CELF2: variants seen among roughly 807,000 people sequenced by gnomAD.
CELF2 encodes CUGBP Elav-like family member 2.
A neutral mutation model predicts 62.6 loss-of-function variants in CELF2; 8 were observed. The observed-to-expected ratio is 0.13, with a 90% CI of 0.07 to 0.23. CELF2 has a LOEUF of 0.23. Ranked by LOEUF, CELF2 falls within the 10% of genes least tolerant of loss-of-function variation. The pLI, the probability that CELF2 is intolerant of heterozygous loss-of-function variation, is 1.00. For missense variants in CELF2, 333 were observed against 671.0 expected (o/e 0.50, Z 5.56); for synonymous variants, 258 against 250.0 (o/e 1.03, Z -0.30).
chr10:10,756,291 T>C, the CELF2 span, among the ~76,000 whole-genome samples: 2 of 152,230 alleles, frequency 1.3e-5, no homozygotes, highest in Admixed American at 1.3e-4. Flanking sequence ...TGTATTTAAA[T>C]GTGTTTAAGA....
At chr10:10,704,919 T>C in the CELF2 span, among the ~76,000 whole-genome samples, 1 of 149,988 alleles carries the variant, frequency 6.7e-6, no homozygotes, top group Non-Finnish European at 1.5e-5. Flanking sequence ...CTGGGCATGG[T>C]GGCTCATGCC....
the CELF2 span, among the ~76,000 whole-genome samples, chr10:10,788,050 C>T: frequency 6.6e-6 from 1 of 152,054 alleles, no homozygotes; most frequent in African/African-American, 2.4e-5. Flanking sequence ...TACTTGAGGA[C>T]ATTAGATATG....
At chr10:11,063,366 A>G (rs925350512) in intron 1 of CELF2, among the ~76,000 whole-genome samples, 8 of 152,236 alleles carry the variant, frequency 5.3e-5, no homozygotes, top group Non-Finnish European at 1.2e-4. Context: ...TCAGGCGACT[A>G]CTACCAAACA....
At chr10:11,133,721 C>G (rs753338195) in intron 1 of CELF2, among the ~76,000 whole-genome samples, 2 of 152,216 alleles carry the variant, frequency 1.3e-5, no homozygotes, top group Non-Finnish European at 2.9e-5. Context: ...ATTCCTGTGG[C>G]GGCCCTTCCC....
At chr10:11,234,909 C>G (rs1218631358) in intron 3 of CELF2, among the ~76,000 whole-genome samples, 1 of 152,074 alleles carries the variant, frequency 6.6e-6, no homozygotes, top group African/African-American at 2.4e-5. Context: ...TTGACAATCC[C>G]TACGTCACTT....
intron 1 of CELF2, among the ~76,000 whole-genome samples, chr10:10,900,719 T>A (rs921028065): frequency 3.3e-5 from 5 of 152,128 alleles, no homozygotes; most frequent in African/African-American, 1.2e-4. Flanking sequence ...GCCAGCGCGG[T>A]CAGAAAGAAT....
chr10:11,215,387 C>T (rs1276652714), intron 2 of CELF2, among the ~76,000 whole-genome samples: 1 of 152,174 alleles, frequency 6.6e-6, no homozygotes, highest in Admixed American at 6.5e-5. Context: ...TTTCATTTTC[C>T]CTGTCATACC....
At chr10:10,643,809 G>C in the CELF2 span, among the ~76,000 whole-genome samples, 1 of 152,150 alleles carries the variant, frequency 6.6e-6, no homozygotes, top group East Asian at 1.9e-4. Flanking sequence ...CGTAGGCTCT[G>C]AAAATTTTAA....
the CELF2 span, among the ~76,000 whole-genome samples, chr10:10,691,162 CCA>C: frequency 3.8e-4 from 57 of 151,516 alleles, no homozygotes; most frequent in African/African-American, 1.3e-3. Flanking sequence ...CCCTCTCCCC[CCA>C]CCCCACAACA....
Position 11,257,819 on chromosome 10 carries a change from T to C in CELF2, c.485T>C (p.Phe162Ser), listed in dbSNP as rs935411445. ...GACATCAGGGTGATGTTCTCTCCAT[T>C]TGGCCAGATAGAAGAATGCCGGATC... ...ENDIRVMFSP[F>S]GQIEECRILR... is the part of the protein sequence containing the mutation. Residue 162 changes from phenylalanine (F) to serine (S), a missense_variant, in exon 5 of 13, where the codon TTT becomes TCT. Coordinates refer to ENST00000633077, the MANE Select transcript of CELF2 (RefSeq NM_001326342.2). 2 of 1,614,198 alleles carry C rather than the reference T, an allele frequency of 1.2e-6. No individual in the cohort carries two copies. Among genetic ancestry groups the C allele is most frequent in the Non-Finnish European group, 1.7e-6 (2 of 1,180,026 alleles).
chr10:10,889,853 A>T (rs2062009325), intron 1 of CELF2, among the ~76,000 whole-genome samples: 1 of 152,206 alleles, frequency 6.6e-6, no homozygotes. Context: ...AAGAAAAGTC[A>T]ATAGCCCATC....
the CELF2 span, among the ~76,000 whole-genome samples, chr10:10,502,336 T>C: frequency 2.0e-5 from 3 of 152,032 alleles, no homozygotes; most frequent in South Asian, 6.2e-4. Context: ...GAATTGGTGT[T>C]AGTTCTGTAT....
chr10:11,270,705 CAGA>C lies in CELF2; in HGVS notation c.661_663del (p.Lys221del). The C allele has an allele frequency of 6.4e-7, 1 of 1,554,472 alleles. No individual in the cohort carries two copies. On this transcript the variant is annotated inframe_deletion, in exon 7 of 13. Transcript: ENST00000633077. This position sits in a 1 kb window ranked among gnomAD's most constrained non-coding sequence, Gnocchi z 5.8. ...TATCGTGGTGAAGTTTGCTGACACTCAGAAGGACAAAGAGCAAAGGCGCCTCCA... is the reference window on the plus strand; with the variant it reads ...TATCGTGGTGAAGTTTGCTGACACTCAGGACAAAGAGCAAAGGCGCCTCCA...
At chr10:10,709,222 A>C in the CELF2 span, among the ~76,000 whole-genome samples, 1 of 152,226 alleles carries the variant, frequency 6.6e-6, no homozygotes, top group African/African-American at 2.4e-5. Flanking sequence ...GAATTAGGCC[A>C]GTAATTGCTT....
At chr10:10,770,943 C>A in the CELF2 span, among the ~76,000 whole-genome samples, 1 of 152,134 alleles carries the variant, frequency 6.6e-6, no homozygotes, top group African/African-American at 2.4e-5. Context: ...CTGGGCTTCA[C>A]CTTATGAAAT....
chr10:11,231,638 A>G (rs1392794849), intron 3 of CELF2, among the ~76,000 whole-genome samples: 1 of 86,144 alleles, frequency 1.2e-5, no homozygotes. Flanking sequence ...CAAATGATTA[A>G]CTCTTCAGAA....
the CELF2 span, among the ~76,000 whole-genome samples, chr10:10,749,382 A>G: frequency 6.6e-6 from 1 of 152,340 alleles, no homozygotes; most frequent in East Asian, 1.9e-4. Context: ...GTGGCCTAGA[A>G]ATCTAAATTA....
chr10:10,725,248 C>T, the CELF2 span, among the ~76,000 whole-genome samples: 7 of 152,160 alleles, frequency 4.6e-5, no homozygotes, highest in Non-Finnish European at 8.8e-5. Flanking sequence ...AATATAACTA[C>T]ATCAGTAAAT....
At chr10:10,746,870 T>C in the CELF2 span, among the ~76,000 whole-genome samples, 1 of 152,244 alleles carries the variant, frequency 6.6e-6, no homozygotes, top group Non-Finnish European at 1.5e-5. Context: ...TGCTAAATCA[T>C]ATGCCTTCGC....
Sources: allele counts gnomAD v4.1 joint callset (sites outside exome capture counted in the v4.1 genomes callset), GRCh38; gene constraint gnomAD v4.1.1; non-coding constraint Gnocchi (gnomAD v3.1); transcripts MANE v1.5; gene names NCBI Gene and HGNC (gene_info 2026-07-23, HGNC 2026-07-21).